The following CD36 variants were observed in gnomAD, a reference collection of about 807,000 sequenced individuals.
The protein encoded by CD36 is CD36 molecule (CD36 blood group).
Under a neutral mutation model 55.2 loss-of-function variants are expected in CD36, and 119 were observed. The ratio of observed to expected loss-of-function variants is 2.15; its 90% CI spans 1.86 to 2.51. The LOEUF is 2.51. Among genes scored for constraint, CD36 ranks in the 30% most tolerant of loss-of-function variants. The pLI, the probability that CD36 is intolerant of heterozygous loss-of-function variation, is 0.00. For missense variants in CD36, 819 were observed against 555.5 expected (o/e 1.47, Z -4.77); for synonymous variants, 186 against 193.6 (o/e 0.96, Z 0.33).
chr7:80,670,077 T>A, intron 9 of CD36, 55 bp downstream of exon 9: 2 of 1,073,542 alleles, frequency 1.9e-6, no homozygotes, highest in Middle Eastern at 2.0e-4. Context: ...GGTGACAAAA[T>A]GCAGACCAAG....
intron 8 of CD36, among the ~76,000 whole-genome samples, chr7:80,667,599 G>A (rs891880955): frequency 6.6e-6 from 1 of 151,796 alleles, no homozygotes; most frequent in Non-Finnish European, 1.5e-5. Context: ...TAAAAATGAA[G>A]TACAGAGAAT....
intron 8 of CD36, among the ~76,000 whole-genome samples, chr7:80,669,233 A>G (rs1263905447): frequency 1.3e-5 from 2 of 152,188 alleles, no homozygotes; most frequent in Non-Finnish European, 2.9e-5. Context: ...ACCATTAAAT[A>G]TGTATAGTAT....
At chr7:80,640,948 A>T (rs764624015) in intron 1 of CD36, among the ~76,000 whole-genome samples, 11 of 152,048 alleles carry the variant, frequency 7.2e-5, no homozygotes, top group Non-Finnish European at 7.4e-5. Context: ...ATATTCTGAT[A>T]GGATAGAAAT....
rs145985592 is a variant in CD36, at chr7:80,655,198, T to A, written c.121-1342T>A. ...TCCTCTTCCTGTAGCACACTCAGGTTAAGTTGGAGCTCTTTAACCTGGGCA... is the reference window on the plus strand; with the variant it reads ...TCCTCTTCCTGTAGCACACTCAGGTAAAGTTGGAGCTCTTTAACCTGGGCA... On this transcript the variant is annotated intron_variant, in intron 3 of 14. Coordinates refer to ENST00000447544, the MANE Select transcript of CD36 (RefSeq NM_001001548.3). Among the ~76,000 whole-genome samples, 310 of 152,308 alleles carry A rather than the reference T, an allele frequency of 2.0e-3. 3 individuals are homozygous for A. The highest frequency in any genetic ancestry group is 7.2e-3 in the African/African-American group (299 of 41,578).
Position 80,609,335 on chromosome 7 carries a change from T to C in CD36, c.-184+6956T>C, listed in dbSNP as rs1209851598. On this transcript the variant is annotated intron_variant, in intron 1 of 13. Transcript: ENST00000309881. Reference sequence around the variant, plus strand: ...TATGTATCTGTATTTGGGGAAATGCTTGTGATCCACTATACCCTCTCCCAC... The same window carrying C: ...TATGTATCTGTATTTGGGGAAATGCCTGTGATCCACTATACCCTCTCCCAC... 2.6e-5 allele frequency among the ~76,000 whole-genome samples: 4 copies of C among 152,184 alleles called. No individual in the cohort carries two copies. In the East Asian group the frequency reaches 5.8e-4, roughly 22 times the overall value.
At chr7:80,663,453 CTGTAAATCTT>C (rs1796724350) in intron 6 of CD36, among the ~76,000 whole-genome samples, 1 of 152,068 alleles carries the variant, frequency 6.6e-6, no homozygotes, top group Non-Finnish European at 1.5e-5. Flanking sequence ...GTAAGCTAGT[CTGTAAATCTT>C]TGAGCACTGT....
At chr7:80,631,161 T>C (rs1221068638) in intron 1 of CD36, among the ~76,000 whole-genome samples, 1 of 151,994 alleles carries the variant, frequency 6.6e-6, no homozygotes, top group African/African-American at 2.4e-5. Context: ...CCATACCTAC[T>C]ATTGTTTACT....
Position 80,614,575 on chromosome 7 carries a change from T to C in CD36, c.-184+12196T>C, listed in dbSNP as rs78654384. Among the ~76,000 whole-genome samples the C allele has an allele frequency of 8.5e-3, 1,299 of 152,200 alleles. 61 individuals carry two copies. In the East Asian group the frequency reaches 0.11, roughly 12 times the overall value. On this transcript the variant is annotated intron_variant, in intron 1 of 13. Coordinates refer to the CD36 transcript ENST00000309881. ...TTAGTCTGTGATTTTTTTGCAGGGG[T>C]GCCCTCTGTATCTTAATCTTTGCTT...
intron 8 of CD36, among the ~76,000 whole-genome samples, chr7:80,668,468 T>C (rs1797334282): frequency 6.6e-6 from 1 of 152,202 alleles, no homozygotes; most frequent in Non-Finnish European, 1.5e-5. Context: ...AAGTGCATCC[T>C]CTTTACCTTC....
chr7:80,672,769 G>A lies in CD36; in HGVS notation c.1126-1G>A. ...TAATTATTTAGTTGTTCTCTTTTTA[G>A]ATAACTGGATTCACTTTACAATTTG... On this transcript the variant is annotated splice_acceptor_variant, in intron 11 of 14. Coordinates refer to ENST00000447544, the MANE Select transcript of CD36 (RefSeq NM_001001548.3). LOFTEE classifies it high-confidence loss of function. 6.2e-7 allele frequency: 1 copy of A among 1,601,942 alleles called. No homozygotes were observed. The highest frequency in any genetic ancestry group is 1.1e-5 in the South Asian group (1 of 90,598).
chr7:80,639,494 G>A (rs893425145), intron 1 of CD36, among the ~76,000 whole-genome samples: 5 of 151,810 alleles, frequency 3.3e-5, no homozygotes, highest in African/African-American at 1.2e-4. Context: ...TGAAGTAAAG[G>A]AGAAATCAAT....
chr7:80,666,469 G>A lies in CD36; in HGVS notation c.728G>A (p.Cys243Tyr), dbSNP rs35793888. The change falls in exon 8 of 15, where the codon TGC becomes TAC. Residue 243 changes from cysteine (C) to tyrosine (Y), a missense_variant. Physicochemically the swap from Cys to Tyr is radical, Grantham distance 194 (BLOSUM62 -2). Transcript: ENST00000447544. ...KRNLSYWESH[C>Y]DMINGTDAAS... ...AATCTGTCCTATTGGGAAAGTCACT[G>A]CGACATGATTAATGGTACAGGTAAG... 5.6e-6 allele frequency: 9 copies of A among 1,608,326 alleles called. No homozygotes were observed. The African/African-American group carries it at 1.2e-4, about 22-fold the overall frequency.
intron 1 of CD36, among the ~76,000 whole-genome samples, chr7:80,607,986 G>T (rs888258682): frequency 1.3e-5 from 2 of 152,034 alleles, no homozygotes; most frequent in African/African-American, 2.4e-5. Flanking sequence ...TAGCCCGGAT[G>T]GTCTGCATCT....
chr7:80,641,641 C>G (rs946082865), intron 1 of CD36, among the ~76,000 whole-genome samples: 1 of 152,014 alleles, frequency 6.6e-6, no homozygotes, highest in Non-Finnish European at 1.5e-5. Context: ...GGTACAAGTA[C>G]CCTGGAAATC....
At chr7:80,652,841 T>C (rs1407665865) in intron 3 of CD36, among the ~76,000 whole-genome samples, 1 of 152,146 alleles carries the variant, frequency 6.6e-6, no homozygotes, top group Non-Finnish European at 1.5e-5. Context: ...ATAGCTGACA[T>C]TTATTGAATG....
chr7:80,637,308 CA>C (rs1287653438), upstream of CD36, among the ~76,000 whole-genome samples: 1 of 151,482 alleles, frequency 6.6e-6, no homozygotes, highest in Admixed American at 6.6e-5. Flanking sequence ...ATCGTGCCAC[CA>C]AGATAAAAGG....
chr7:80,674,206 C>T, intron 14 of CD36, 59 bp downstream of exon 14: 1 of 1,255,518 alleles, frequency 8.0e-7, no homozygotes, highest in Non-Finnish European at 1.1e-6. Context: ...TACTTGTTTT[C>T]ACTTTATCAA....
chr7:80,675,046 G>A (rs538157912), intron 14 of CD36, among the ~76,000 whole-genome samples: 20 of 152,160 alleles, frequency 1.3e-4, no homozygotes, highest in African/African-American at 4.6e-4. Flanking sequence ...AGTGAAAGTG[G>A]AATTTGGGGA....
At chr7:80,617,270 C>G (rs996677447) in intron 1 of CD36, among the ~76,000 whole-genome samples, 3 of 152,074 alleles carry the variant, frequency 2.0e-5, no homozygotes, top group Admixed American at 2.0e-4. Flanking sequence ...GGAAAAATCA[C>G]TAATGCGTAC....
Sources: allele counts gnomAD v4.1 joint callset (sites outside exome capture counted in the v4.1 genomes callset), GRCh38; gene constraint gnomAD v4.1.1; transcripts MANE v1.5; gene names NCBI Gene and HGNC (gene_info 2026-07-23, HGNC 2026-07-21).